TECRL: variants seen among roughly 807,000 people sequenced by gnomAD.
The protein encoded by TECRL is trans-2,3-enoyl-CoA reductase-like.
Under a neutral mutation model 52.8 loss-of-function variants are expected in TECRL, and 63 were observed. The ratio of observed to expected loss-of-function variants is 1.19; its 90% CI spans 0.97 to 1.47. The LOEUF (loss-of-function observed/expected upper bound fraction) is 1.47. TECRL is among the 40% of genes most tolerant of loss of function. The pLI, the probability that TECRL is intolerant of heterozygous loss-of-function variation, is 0.00. For synonymous variants in TECRL, 164 were observed against 141.9 expected (o/e 1.16, Z -1.10); for missense variants, 482 against 429.6 (o/e 1.12, Z -1.08).
chr4:64,401,368 A>G (rs1724350463), intron 1 of TECRL, among the ~76,000 whole-genome samples: 1 of 152,074 alleles, frequency 6.6e-6, no homozygotes, highest in Admixed American at 6.6e-5. Flanking sequence ...TTTTTCTTGG[A>G]TATGCTAAAC....
In TECRL at chr4:64,279,129, A is replaced by C. The variant is rs186028011; in HGVS notation, c.*943T>G. The stretch of plus-strand genomic sequence containing the variant: ...TTTCCAGTAATGGTATTGCTGGATC[A>C]TATGATAGTTCTATTTGTAATTTTT... On this transcript the variant is annotated 3_prime_UTR_variant, in exon 12 of 12. Coordinates refer to ENST00000381210, the MANE Select transcript of TECRL (RefSeq NM_001010874.5). 14 of 152,310 alleles carry C rather than the reference A, an allele frequency of 9.2e-5. No individual in the cohort carries two copies. Among genetic ancestry groups the C allele is most frequent in the African/African-American group, 3.4e-4 (14 of 41,582 alleles). The allele number at this position is 152,310 out of a possible 1,614,324, so 9.4% of individuals were successfully genotyped here. A position where few individuals can be genotyped will look rare whatever the true frequency, so the allele number is the denominator to read the frequency against.
intron 8 of TECRL, among the ~76,000 whole-genome samples, chr4:64,290,809 C>T (rs895084195): frequency 9.2e-5 from 14 of 152,054 alleles, no homozygotes; most frequent in Non-Finnish European, 1.5e-4. Context: ...TTAAAATAAT[C>T]ATCTTCAATA....
At chr4:64,312,903 A>C (rs1308311958) in intron 5 of TECRL, among the ~76,000 whole-genome samples, 1 of 152,166 alleles carries the variant, frequency 6.6e-6, no homozygotes, top group Admixed American at 6.5e-5. Flanking sequence ...TTCTCCTTCC[A>C]ATCTCTTTAT....
chr4:64,312,556 G>A (rs1485089563), intron 5 of TECRL, among the ~76,000 whole-genome samples: 1 of 152,066 alleles, frequency 6.6e-6, no homozygotes, highest in African/African-American at 2.4e-5. Flanking sequence ...GAGCCCAGGA[G>A]TTCAAGAACA....
At chr4:64,380,176 G>T (rs1722687080) in intron 1 of TECRL, among the ~76,000 whole-genome samples, 1 of 151,926 alleles carries the variant, frequency 6.6e-6, no homozygotes, top group Non-Finnish European at 1.5e-5. Context: ...TTATATATCT[G>T]TTGGCCATTT....
intron 2 of TECRL, among the ~76,000 whole-genome samples, chr4:64,340,902 G>A (rs1719523001): frequency 6.6e-6 from 1 of 152,182 alleles, no homozygotes; most frequent in Non-Finnish European, 1.5e-5. Flanking sequence ...AGGCAGAGCT[G>A]AGGAGAGGCG....
chr4:64,300,728 A>G (rs1723970629), intron 7 of TECRL, among the ~76,000 whole-genome samples: 3 of 150,964 alleles, frequency 2.0e-5, no homozygotes, highest in Admixed American at 6.6e-5. Flanking sequence ...ATATAAACAC[A>G]TTTGCATCTA....
chr4:64,292,877 A>G (rs1163871889), intron 8 of TECRL, among the ~76,000 whole-genome samples: 1 of 152,106 alleles, frequency 6.6e-6, no homozygotes. Flanking sequence ...TAATTAGTAA[A>G]AAATCCACTA....
chr4:64,399,385 T>G (rs1389814277), intron 1 of TECRL, among the ~76,000 whole-genome samples: 5 of 151,986 alleles, frequency 3.3e-5, no homozygotes, highest in Non-Finnish European at 4.4e-5. Flanking sequence ...CCACACGGCA[T>G]AGAAAAAAAA....
chr4:64,403,475 G>GCGCACACACACA (rs59253067), intron 1 of TECRL, among the ~76,000 whole-genome samples: 3,546 of 148,298 alleles, frequency 0.024, 115 homozygotes, highest in African/African-American at 0.078. Context: ...CTCCCTGAGC[G>GCGCACACACACA]CACACACACA....
rs1287541178 is a variant in TECRL at position 64,280,073 on chromosome 4, T to C, written c.1091A>G (p.Ter364=). 4 of 1,588,196 alleles carry C rather than the reference T, an allele frequency of 2.5e-6. No homozygotes were observed. The highest frequency in any genetic ancestry group is 1.4e-5 in the African/African-American group (1 of 73,276). ...RKSAMIPFIL[*] is the part of the protein sequence containing the mutation. ...TCTATAGGAGATAAGATTCTTTTTT[T>C]ACAATATGAATGGAATCATTGCTGA... Residue 364 remains the stop codon, a stop_retained_variant, in exon 12 of 12, where the codon TAA becomes TGA. Coordinates refer to ENST00000381210, the MANE Select transcript of TECRL (RefSeq NM_001010874.5).
chr4:64,336,925 C>T (rs1240983254), intron 2 of TECRL, among the ~76,000 whole-genome samples: 1 of 152,110 alleles, frequency 6.6e-6, no homozygotes, highest in Non-Finnish European at 1.5e-5. Flanking sequence ...GCTTTACATC[C>T]AACTATGTGG....
At chr4:64,313,867 C>T (rs1358323190) in intron 5 of TECRL, among the ~76,000 whole-genome samples, 1 of 149,198 alleles carries the variant, frequency 6.7e-6, no homozygotes, top group Non-Finnish European at 1.5e-5. Flanking sequence ...GGCGTGGTGG[C>T]TCATGCCTGT....
chr4:64,314,621 G>A, intron 5 of TECRL, 27 bp downstream of exon 5: 2 of 1,129,528 alleles, frequency 1.8e-6, no homozygotes, highest in South Asian at 2.5e-5. Context: ...GTGTGTGTGT[G>A]TGTGTGTGTG....
intron 7 of TECRL, among the ~76,000 whole-genome samples, chr4:64,303,012 A>G (rs1174009689): frequency 6.6e-6 from 1 of 151,132 alleles, no homozygotes; most frequent in African/African-American, 2.4e-5. Flanking sequence ...TTTAAGGTTT[A>G]TTTTATCTCA....
At chr4:64,333,271 G>A (rs1161156695) in intron 2 of TECRL, among the ~76,000 whole-genome samples, 2 of 151,854 alleles carry the variant, frequency 1.3e-5, no homozygotes, top group African/African-American at 2.4e-5. Flanking sequence ...TAAGATATTG[G>A]CCAAATAGCT....
chr4:64,341,549 G>C (rs1719569649), intron 2 of TECRL, among the ~76,000 whole-genome samples: 1 of 152,040 alleles, frequency 6.6e-6, no homozygotes, highest in African/African-American at 2.4e-5. Context: ...AGGTTTCAGT[G>C]AGCTGAGATC....
intron 1 of TECRL, among the ~76,000 whole-genome samples, chr4:64,392,012 C>G (rs1723581548): frequency 1.3e-5 from 2 of 151,866 alleles, no homozygotes; most frequent in Non-Finnish European, 2.9e-5. Context: ...TGGTTTAAAA[C>G]AGTCCATGCT....
intron 1 of TECRL, among the ~76,000 whole-genome samples, chr4:64,400,610 C>G (rs1056988136): frequency 7.2e-5 from 11 of 152,082 alleles, no homozygotes; most frequent in Admixed American, 5.2e-4. Flanking sequence ...GTGATTGGAT[C>G]ATGGGGGAAG....
Sources: allele counts gnomAD v4.1 joint callset (sites outside exome capture counted in the v4.1 genomes callset), GRCh38; gene constraint gnomAD v4.1.1; transcripts MANE v1.5; gene names NCBI Gene and HGNC (gene_info 2026-07-23, HGNC 2026-07-21).